Variants in PRKCB observed in about 807,000 individuals in gnomAD.
PRKCB encodes the protein protein kinase C beta type.
In PRKCB, 13 loss-of-function variants were observed where a neutral mutation model predicts 81.5. The ratio of observed to expected loss-of-function variants is 0.16; its 90% CI spans 0.10 to 0.25. The LOEUF is 0.25. Among genes scored for constraint, PRKCB ranks in the 10% least tolerant of loss-of-function variants. The probability of loss-of-function intolerance (pLI) is 1.00; values close to 1 mark genes in which losing one functional copy is unlikely to be tolerated. For missense variants in PRKCB, 509 were observed against 875.7 expected (o/e 0.58, Z 5.29); for synonymous variants, 335 against 321.4 (o/e 1.04, Z -0.45).
At chr16:24,156,006 T>C (rs1967150536) in intron 10 of PRKCB, among the ~76,000 whole-genome samples, 1 of 152,180 alleles carries the variant, frequency 6.6e-6, no homozygotes, top group African/African-American at 2.4e-5. Flanking sequence ...TTGTTGTCTC[T>C]CATAGTGAAG....
chr16:23,986,344 C>G (rs1051111960), intron 2 of PRKCB, among the ~76,000 whole-genome samples: 2 of 152,136 alleles, frequency 1.3e-5, no homozygotes, highest in Admixed American at 6.5e-5. Context: ...GCCCCAACTT[C>G]CTGGGCTCAA....
At chr16:24,153,280 C>T (rs1403458818) in intron 9 of PRKCB, among the ~76,000 whole-genome samples, 1 of 152,086 alleles carries the variant, frequency 6.6e-6, no homozygotes, top group Admixed American at 6.5e-5. Context: ...GTTCCCTTAC[C>T]CTCCTGAGCC....
chr16:24,117,016 G>A (rs1263265720), intron 8 of PRKCB, among the ~76,000 whole-genome samples: 3 of 148,660 alleles, frequency 2.0e-5, no homozygotes, highest in Non-Finnish European at 4.4e-5. Flanking sequence ...TTTCTAGCAA[G>A]AGCCTGCAAA....
intron 2 of PRKCB, among the ~76,000 whole-genome samples, chr16:23,981,675 C>CCCCTT (rs1275962383): frequency 2.0e-5 from 2 of 99,652 alleles, no homozygotes; most frequent in Admixed American, 9.8e-5. Flanking sequence ...CCTTTCTCTT[C>CCCCTT]CCCTTCCCCT....
At chr16:24,038,721 A>T (rs1342660024) in intron 5 of PRKCB, among the ~76,000 whole-genome samples, 1 of 152,210 alleles carries the variant, frequency 6.6e-6, no homozygotes, top group Non-Finnish European at 1.5e-5. Context: ...TGCTCATGGG[A>T]AAAGAGAAGT....
intron 9 of PRKCB, among the ~76,000 whole-genome samples, chr16:24,132,667 T>C (rs1037783521): frequency 1.3e-5 from 2 of 152,058 alleles, no homozygotes; most frequent in Non-Finnish European, 2.9e-5. Context: ...ATTTTACAGA[T>C]GAGGAGAGTG....
At position 24,137,776 on chromosome 16, in the gene PRKCB, A is replaced by C. The variant is rs898750736; in HGVS notation, c.1065+13795A>C. The stretch of plus-strand genomic sequence containing the variant: ...TAATCTTTTCTATAATACAACAAAC[A>C]TAATGGCAGAAATTTGTGGATTGTA... On this transcript the variant is annotated intron_variant, in intron 9 of 16. Coordinates refer to ENST00000643927, the MANE Select transcript of PRKCB (RefSeq NM_002738.7). Among the ~76,000 whole-genome samples the C allele has an allele frequency of 2.6e-5, 4 of 152,250 alleles. No homozygotes were observed. In the East Asian group the frequency reaches 7.7e-4, roughly 29 times the overall value.
At chr16:23,868,768 C>T (rs1962851886) in intron 2 of PRKCB, among the ~76,000 whole-genome samples, 1 of 152,154 alleles carries the variant, frequency 6.6e-6, no homozygotes, top group Non-Finnish European at 1.5e-5. Flanking sequence ...GGGATGGAGA[C>T]TGGGGCCGGC....
intron 2 of PRKCB, among the ~76,000 whole-genome samples, chr16:23,882,750 C>CTTTTTTTTT (rs61020074): frequency 9.5e-6 from 1 of 105,198 alleles, no homozygotes. Context: ...ATACAAATAT[C>CTTTTTTTTT]TTTTTTTTTT....
At chr16:24,118,906 G>T (rs1444775764) in intron 8 of PRKCB, among the ~76,000 whole-genome samples, 1 of 152,092 alleles carries the variant, frequency 6.6e-6, no homozygotes, top group East Asian at 1.9e-4. Context: ...TCCTCTGAAG[G>T]CTCACTGAGT....
intron 9 of PRKCB, 109 bp from the exon 10 acceptor site, chr16:24,154,575 C>T: frequency 9.8e-7 from 1 of 1,017,568 alleles, no homozygotes; most frequent in Non-Finnish European, 1.4e-6. Flanking sequence ...TCAGAGTCAA[C>T]AGAAGGCACC....
intron 7 of PRKCB, among the ~76,000 whole-genome samples, chr16:24,100,724 A>T (rs1966496008): frequency 6.6e-6 from 1 of 152,200 alleles, no homozygotes; most frequent in African/African-American, 2.4e-5. Flanking sequence ...ATTCACTGAG[A>T]CGGCAATATT....
At chr16:23,992,228 T>C (rs1964895505) in intron 3 of PRKCB, among the ~76,000 whole-genome samples, 1 of 152,250 alleles carries the variant, frequency 6.6e-6, no homozygotes, top group Admixed American at 6.5e-5. Context: ...TTTGGTATTT[T>C]GTTACAGCAG....
chr16:23,890,381 T>A (rs2141116232), intron 2 of PRKCB, among the ~76,000 whole-genome samples: 1 of 152,324 alleles, frequency 6.6e-6, no homozygotes, highest in East Asian at 1.9e-4. Context: ...TGTAGGGGCC[T>A]TTAATCTTTC....
In PRKCB at chr16:24,147,240, G is replaced by A. The variant is rs955208308; in HGVS notation, c.1066-7444G>A. ...GGAGAATGGAGTGAACTCGGGAGGC[G>A]GAGCTTGCAGTGAGCCGAGATCGCA... is the stretch of plus-strand genomic sequence containing the variant. On this transcript the variant is annotated intron_variant, in intron 9 of 16. Coordinates refer to ENST00000643927, the MANE Select transcript of PRKCB (RefSeq NM_002738.7). Among the ~76,000 whole-genome samples, 11 of 149,966 alleles carry A rather than the reference G, an allele frequency of 7.3e-5. No individual in the cohort carries two copies. The East Asian group carries it at 2.2e-3, about 30-fold the overall frequency.
At position 24,180,805 on chromosome 16, in the gene PRKCB, C is replaced by A. The variant is rs1371028158; in HGVS notation, c.1410C>A (p.Asp470Glu). 6.2e-7 allele frequency: 1 copy of A among 1,613,980 alleles called. No homozygotes were observed. The highest frequency in any genetic ancestry group is 8.5e-7 in the Non-Finnish European group (1 of 1,179,896). ...KGIIYRDLKL[D>E]NVMLDSEGHI... ...TCTGCCATAGTGACCTAAAACTTGA[C>A]AACGTGATGCTCGATTCTGAGGGAC... The change falls in exon 13 of 17, where the codon GAC becomes GAA. Residue 470 changes from aspartate (D) to glutamate (E), a missense_variant. By Grantham distance (45) the Asp-to-Glu change is conservative. Transcript: ENST00000643927.
In PRKCB at chr16:24,034,089, G is replaced by T. The variant is rs543084988; in HGVS notation, c.401-1330G>T. Among the ~76,000 whole-genome samples, 223 of 152,326 alleles carry T rather than the reference G, an allele frequency of 1.5e-3. 1 individual carries two copies. Among genetic ancestry groups the T allele is most frequent in the African/African-American group, 5.1e-3 (210 of 41,568 alleles). On this transcript the variant is annotated intron_variant, in intron 4 of 16. Transcript: ENST00000643927. ...AGACAGACACAGAAACATGGCAAGA[G>T]CCACAGGGGGACAGTGAGGTTGGAG...
chr16:23,894,295 A>G (rs1220390605), intron 2 of PRKCB, among the ~76,000 whole-genome samples: 1 of 152,234 alleles, frequency 6.6e-6, no homozygotes, highest in African/African-American at 2.4e-5. Context: ...TACCAAAGGC[A>G]TGGCTACAAA....
intron 2 of PRKCB, among the ~76,000 whole-genome samples, chr16:23,932,253 G>A (rs1369145219): frequency 6.6e-6 from 1 of 152,160 alleles, no homozygotes; most frequent in Non-Finnish European, 1.5e-5. Flanking sequence ...CAAGGAGAAG[G>A]AAACATTAAC....
Sources: allele counts gnomAD v4.1 joint callset (sites outside exome capture counted in the v4.1 genomes callset), GRCh38; gene constraint gnomAD v4.1.1; transcripts MANE v1.5; gene names NCBI Gene and HGNC (gene_info 2026-07-23, HGNC 2026-07-21).